Variants in CDH6 observed in about 807,000 individuals in gnomAD.
The protein encoded by CDH6 is cadherin-6.
A neutral mutation model predicts 78.0 loss-of-function variants in CDH6; 31 were observed. That is an observed-to-expected ratio of 0.40 (90% CI 0.30 to 0.54). The LOEUF (loss-of-function observed/expected upper bound fraction) is 0.54. CDH6 is among the 20% of genes least tolerant of loss of function. The probability of loss-of-function intolerance (pLI) is 0.56; values close to 1 mark genes in which losing one functional copy is unlikely to be tolerated. For synonymous variants in CDH6, 376 were observed against 368.8 expected (o/e 1.02, Z -0.23); for missense variants, 724 against 975.9 (o/e 0.74, Z 3.44).
Position 31,327,225 on chromosome 5 carries a change from T to C in CDH6, c.*3917T>C, listed in dbSNP as rs1738643068. 5.3e-6 allele frequency: 1 copy of C among 187,748 alleles called. No homozygotes were observed. Among genetic ancestry groups the C allele is most frequent in the South Asian group, 2.0e-4 (1 of 5,122 alleles). The allele number at this position is 187,748 out of a possible 1,614,324, so 11.6% of individuals were successfully genotyped here. A position where few individuals can be genotyped will look rare whatever the true frequency, so the allele number is the denominator to read the frequency against. ...CTCAAGCACCATAAAAAGTATGCAG[T>C]TGAAAAGAAAATCAAAGTTGATTCC... On this transcript the variant is annotated 3_prime_UTR_variant, in exon 12 of 12. Coordinates refer to ENST00000265071, the MANE Select transcript of CDH6 (RefSeq NM_004932.4).
chr5:31,267,784 AC>A (rs1742404430), intron 2 of CDH6, 83 bp downstream of exon 2: 1 of 996,742 alleles, frequency 1.0e-6, no homozygotes, highest in Non-Finnish European at 1.6e-6. Flanking sequence ...GAGGATGTGT[AC>A]TATTCCCCAA....
chr5:31,252,196 C>T (rs1392096517), intron 1 of CDH6, among the ~76,000 whole-genome samples: 1 of 152,136 alleles, frequency 6.6e-6, no homozygotes, highest in Non-Finnish European at 1.5e-5. Context: ...ATATTTATAA[C>T]CATGGATACC....
chr5:31,199,480 G>A (rs11954537), intron 1 of CDH6, among the ~76,000 whole-genome samples: 58 of 32,072 alleles, frequency 1.8e-3, no homozygotes, highest in African/African-American at 4.5e-3. Flanking sequence ...ACACATATGT[G>A]TATATATGTA....
intron 2 of CDH6, among the ~76,000 whole-genome samples, chr5:31,276,889 A>G (rs988442843): frequency 1.3e-5 from 2 of 152,242 alleles, no homozygotes; most frequent in Admixed American, 6.5e-5. Flanking sequence ...GGCCCAAGAT[A>G]TCACACTTAC....
chr5:31,273,436 T>C (rs994206404), intron 2 of CDH6, among the ~76,000 whole-genome samples: 1 of 152,178 alleles, frequency 6.6e-6, no homozygotes, highest in African/African-American at 2.4e-5. Context: ...GGTTATCTCG[T>C]TGGATCCTCG....
At chr5:31,203,460 A>G (rs1740427755) in intron 1 of CDH6, among the ~76,000 whole-genome samples, 2 of 126,164 alleles carry the variant, frequency 1.6e-5, no homozygotes, top group African/African-American at 3.1e-5. Flanking sequence ...ATGTGATCTC[A>G]TTGTTCAATT....
chr5:31,202,357 G>A (rs937739037), intron 1 of CDH6, among the ~76,000 whole-genome samples: 3 of 152,090 alleles, frequency 2.0e-5, no homozygotes, highest in Non-Finnish European at 2.9e-5. Flanking sequence ...TTTGCAGGCC[G>A]GGCATGGTGG....
At chr5:31,257,312 G>A (rs1284115022) in intron 1 of CDH6, among the ~76,000 whole-genome samples, 2 of 152,008 alleles carry the variant, frequency 1.3e-5, no homozygotes, top group African/African-American at 2.4e-5. Context: ...ACAGGTGCCC[G>A]CCACCACGCT....
At chr5:31,283,353 G>GA (rs1247680906) in intron 2 of CDH6, among the ~76,000 whole-genome samples, 3 of 152,044 alleles carry the variant, frequency 2.0e-5, no homozygotes, top group South Asian at 2.1e-4. Flanking sequence ...AAAACACAGG[G>GA]AAAAAAATGT....
chr5:31,233,514 C>CAAAAAA (rs762640872), intron 1 of CDH6, among the ~76,000 whole-genome samples: 3 of 7,500 alleles, frequency 4.0e-4, no homozygotes, highest in African/African-American at 7.0e-4. Context: ...GACTCTGTCT[C>CAAAAAA]AAAAAAAAAA....
intron 1 of CDH6, among the ~76,000 whole-genome samples, chr5:31,239,698 C>T (rs746772574): frequency 6.6e-5 from 10 of 152,196 alleles, no homozygotes; most frequent in African/African-American, 1.9e-4. Context: ...TTAAAGGGGG[C>T]GCATGTGATG....
chr5:31,261,489 A>G (rs1017645048), intron 1 of CDH6, among the ~76,000 whole-genome samples: 1 of 152,186 alleles, frequency 6.6e-6, no homozygotes, highest in African/African-American at 2.4e-5. Context: ...AATGTAAAGT[A>G]CTATGCCACA....
At chr5:31,281,445 C>T (rs973242723) in intron 2 of CDH6, among the ~76,000 whole-genome samples, 22 of 152,026 alleles carry the variant, frequency 1.4e-4, no homozygotes, top group African/African-American at 4.1e-4. Context: ...TGAGTTACAA[C>T]GCCTTACTCA....
intron 3 of CDH6, among the ~76,000 whole-genome samples, chr5:31,295,137 CGTT>C (rs1360596349): frequency 6.6e-6 from 1 of 152,114 alleles, no homozygotes; most frequent in African/African-American, 2.4e-5. Flanking sequence ...CCATGGAAAT[CGTT>C]GTAAAACATC....
intron 1 of CDH6, chr5:31,251,533 G>A (rs1741909072): frequency 6.6e-6 from 1 of 152,194 alleles, no homozygotes; most frequent in Admixed American, 6.5e-5. Flanking sequence ...GTATTTTCTT[G>A]TTCTGTGAGT....
intron 2 of CDH6, among the ~76,000 whole-genome samples, chr5:31,289,212 A>C (rs2149944648): frequency 6.6e-6 from 1 of 152,322 alleles, no homozygotes; most frequent in Middle Eastern, 3.4e-3. Flanking sequence ...ATAAGTAAGA[A>C]CATGTGGTAT....
At chr5:31,259,321 T>G (rs924918593) in intron 1 of CDH6, among the ~76,000 whole-genome samples, 2 of 152,178 alleles carry the variant, frequency 1.3e-5, no homozygotes, top group African/African-American at 4.8e-5. Context: ...TGTGATTGCT[T>G]TTGCAATTTA....
At chr5:31,257,904 G>A (rs1742098843) in intron 1 of CDH6, among the ~76,000 whole-genome samples, 1 of 152,184 alleles carries the variant, frequency 6.6e-6, no homozygotes, top group Admixed American at 6.5e-5. Flanking sequence ...AGCTAAGAAG[G>A]AGCCTCTAGG....
At chr5:31,222,427 T>C (rs903866659) in intron 1 of CDH6, among the ~76,000 whole-genome samples, 3 of 152,208 alleles carry the variant, frequency 2.0e-5, no homozygotes, top group Admixed American at 6.5e-5. Context: ...TCAAATTTTA[T>C]GCATTTTACA....
Sources: allele counts gnomAD v4.1 joint callset (sites outside exome capture counted in the v4.1 genomes callset), GRCh38; gene constraint gnomAD v4.1.1; transcripts MANE v1.5; gene names NCBI Gene and HGNC (gene_info 2026-07-23, HGNC 2026-07-21).